The following ATP10D variants were observed in gnomAD, a reference collection of about 807,000 sequenced individuals.
ATP10D encodes phospholipid-transporting ATPase VD.
A neutral mutation model predicts 144.8 loss-of-function variants in ATP10D; 89 were observed. The observed-to-expected ratio is 0.61, with a 90% CI of 0.52 to 0.73. The LOEUF (loss-of-function observed/expected upper bound fraction) is 0.73, where lower values mean the gene tolerates loss of function less well. Among genes scored for constraint, ATP10D ranks in the 30% least tolerant of loss-of-function variants. The pLI, the probability that ATP10D is intolerant of heterozygous loss-of-function variation, is 0.00. For missense variants in ATP10D, 1,603 were observed against 1,714.8 expected, an observed-to-expected ratio of 0.93 and a Z score of 1.15; for synonymous variants, 571 against 615.1, an observed-to-expected ratio of 0.93 and a Z score of 1.06.
rs993286670 is a variant in ATP10D at position 47,542,115 on chromosome 4, A to C, written c.1397-4509A>C. Among the ~76,000 whole-genome samples the C allele has an allele frequency of 2.1e-4, 31 of 150,764 alleles. 1 individual carries two copies. Among genetic ancestry groups the C allele is most frequent in the African/African-American group, 6.9e-4 (28 of 40,526 alleles). On this transcript the variant is annotated intron_variant, in intron 9 of 22. Transcript: ENST00000273859. ...TGTTTCTCATACAATATATTTTTTTAACACAGGGTCTCACTCTGTTACCCA... is the reference window on the plus strand; with the variant it reads ...TGTTTCTCATACAATATATTTTTTTCACACAGGGTCTCACTCTGTTACCCA...
Position 47,592,248 on chromosome 4 carries a change from T to C in ATP10D, c.*867T>C, listed in dbSNP as rs1560463525. On this transcript the variant is annotated 3_prime_UTR_variant, in exon 23 of 23. Transcript: ENST00000273859. Reference sequence around the variant, plus strand: ...TATTTTAAAACTGACAGTAGCCTGATCAAAGTGATACAATCAATTTCAAAA... The same window carrying C: ...TATTTTAAAACTGACAGTAGCCTGACCAAAGTGATACAATCAATTTCAAAA... The C allele has an allele frequency of 6.6e-6, 1 of 152,530 alleles. No individual in the cohort carries two copies. The highest frequency in any genetic ancestry group is 1.5e-5 in the Non-Finnish European group (1 of 68,010). The allele number at this position is 152,530 out of a possible 1,614,324, so 9.4% of individuals were successfully genotyped here. A position where few individuals can be genotyped will look rare whatever the true frequency, so the allele number is the denominator to read the frequency against.
chr4:47,564,451 T>C (rs1229073239), intron 15 of ATP10D, among the ~76,000 whole-genome samples: 2 of 152,064 alleles, frequency 1.3e-5, no homozygotes, highest in Non-Finnish European at 2.9e-5. Context: ...CCTTTTAAGA[T>C]AAGAAAAAGT....
rs774382459 is a variant in ATP10D, at chr4:47,558,128, A to G, written c.2289A>G (p.Thr763=). The G allele has an allele frequency of 6.2e-7, 1 of 1,614,158 alleles. No individual in the cohort carries two copies. The highest frequency in any genetic ancestry group is 8.5e-7 in the Non-Finnish European group (1 of 1,180,028). ...ACTTTGCTGCTTTGGGACCATTAACATTTCAACTCCTACACATCCTGCCCT... is the reference window on the plus strand; with the variant it reads ...ACTTTGCTGCTTTGGGACCATTAACGTTTCAACTCCTACACATCCTGCCCT... ...MVDFAALGPL[T]FQLLHILPFD... Residue 763 remains threonine (T), a synonymous_variant, in exon 12 of 23, where the codon ACA becomes ACG. Coordinates refer to ENST00000273859, the MANE Select transcript of ATP10D (RefSeq NM_020453.4).
intron 15 of ATP10D, among the ~76,000 whole-genome samples, chr4:47,566,816 A>C (rs939586394): frequency 6.6e-6 from 1 of 152,208 alleles, no homozygotes; most frequent in African/African-American, 2.4e-5. Flanking sequence ...AATGTACCTT[A>C]TTTAATATGC....
chr4:47,576,540 A>G (rs573141645), intron 18 of ATP10D, among the ~76,000 whole-genome samples: 5 of 152,228 alleles, frequency 3.3e-5, no homozygotes, highest in Admixed American at 6.5e-5. Context: ...CACTTAGAAC[A>G]ATGCTAGCAC....
chr4:47,564,080 C>CG (rs1438136657), intron 15 of ATP10D, among the ~76,000 whole-genome samples: 1 of 152,036 alleles, frequency 6.6e-6, no homozygotes, highest in Non-Finnish European at 1.5e-5. Context: ...TTAGTAGAGA[C>CG]GGGGTTTCAC....
intron 10 of ATP10D, among the ~76,000 whole-genome samples, chr4:47,549,369 G>A (rs777512321): frequency 2.0e-5 from 3 of 152,066 alleles, no homozygotes; most frequent in Non-Finnish European, 4.4e-5. Context: ...CAATATAAAG[G>A]CATCTTATTT....
At chr4:47,557,567 T>C (rs540915446) in intron 11 of ATP10D, 97 bp from the exon 12 acceptor site, 1 of 1,268,182 alleles carries the variant, frequency 7.9e-7, no homozygotes, top group South Asian at 2.1e-5. Context: ...AAGTGAGTGG[T>C]AACTCTTTTT....
intron 21 of ATP10D, among the ~76,000 whole-genome samples, chr4:47,585,958 G>A (rs1417456374): frequency 6.6e-6 from 1 of 152,194 alleles, no homozygotes; most frequent in Non-Finnish European, 1.5e-5. Context: ...AGCAAGCATA[G>A]GAGTGCAGAT....
Position 47,536,459 on chromosome 4 carries a change from G to A in ATP10D, c.1038G>A (p.Arg346=). 6.2e-7 allele frequency: 1 copy of A among 1,613,534 alleles called. No homozygotes were observed. Residue 346 remains arginine, a synonymous_variant, in exon 8 of 23, where the codon AGG becomes AGA. Transcript: ENST00000273859. ...AAGGTCATGGAATCTGGCTGAGCAGGTATGAAAAGATGCATTTTTTCAATG... is the reference window on the plus strand; with the variant it reads ...AAGGTCATGGAATCTGGCTGAGCAGATATGAAAAGATGCATTTTTTCAATG... ...GAVGHGIWLS[R]YEKMHFFNVP...
chr4:47,561,145 T>C (rs550265672), intron 14 of ATP10D, 70 bp downstream of exon 14: 24 of 1,574,270 alleles, frequency 1.5e-5, no homozygotes, highest in Admixed American at 6.7e-5. Flanking sequence ...TGAATAAGGG[T>C]TATTTTCTTC....
chr4:47,497,771 T>G (rs1401879087), intron 1 of ATP10D, among the ~76,000 whole-genome samples: 2 of 152,240 alleles, frequency 1.3e-5, no homozygotes, highest in Non-Finnish European at 2.9e-5. Flanking sequence ...GCAGGATTAT[T>G]GTATGTGAAT....
chr4:47,546,720 C>T lies in ATP10D; in HGVS notation c.1493C>T (p.Ala498Val). 6.2e-7 allele frequency: 1 copy of T among 1,614,042 alleles called. No homozygotes were observed. Among genetic ancestry groups the T allele is most frequent in the Non-Finnish European group, 8.5e-7 (1 of 1,179,972 alleles). The change falls in exon 10 of 23, where the codon GCC becomes GTC. Residue 498 changes from alanine (A) to valine (V), a missense_variant. Coordinates refer to ENST00000273859, the MANE Select transcript of ATP10D (RefSeq NM_020453.4). ...CTCAGCAATATGGCAAAACCGAGAG[C>T]CCCCAGCTGCAGGACAGTTCATAAT... is the stretch of plus-strand genomic sequence containing the variant. Reference protein sequence around the residue: ...GSLSNMAKPRAPSCRTVHNGP... With the variant: ...GSLSNMAKPRVPSCRTVHNGP...
At chr4:47,542,379 A>G (rs6846205) in intron 9 of ATP10D, among the ~76,000 whole-genome samples, 112,008 of 151,296 alleles carry the variant, frequency 0.74, 41,620 homozygotes, top group East Asian at 0.88. Flanking sequence ...CTACAGGTGT[A>G]AGCCACCACA....
At chr4:47,589,626 C>G (rs186384201) in intron 22 of ATP10D, among the ~76,000 whole-genome samples, 1 of 152,188 alleles carries the variant, frequency 6.6e-6, no homozygotes, top group African/African-American at 2.4e-5. Flanking sequence ...GTGTTTCTTT[C>G]TTTCCAATAC....
chr4:47,550,745 A>G (rs34442412), intron 10 of ATP10D, among the ~76,000 whole-genome samples: 37,860 of 152,110 alleles, frequency 0.25, 4,706 homozygotes, highest in Admixed American at 0.31. Context: ...GCACTTAGCC[A>G]TGCAGGAACA....
intron 18 of ATP10D, among the ~76,000 whole-genome samples, chr4:47,576,153 G>A (rs888485703): frequency 2.0e-5 from 3 of 151,456 alleles, no homozygotes; most frequent in East Asian, 3.9e-4. Context: ...GGATGGTCTC[G>A]ATCTCCTGAC....
chr4:47,527,931 T>C (rs1158717491), intron 5 of ATP10D, among the ~76,000 whole-genome samples: 1 of 152,144 alleles, frequency 6.6e-6, no homozygotes, highest in Non-Finnish European at 1.5e-5. Context: ...TTCTATGACC[T>C]GTATACAATG....
chr4:47,577,428 G>GT (rs1283937768), intron 19 of ATP10D, among the ~76,000 whole-genome samples: 1 of 152,188 alleles, frequency 6.6e-6, no homozygotes, highest in East Asian at 1.9e-4. Flanking sequence ...AATAGGTTAT[G>GT]TTTACTCTGA....
Sources: gnomAD v4.1 joint callset for allele counts (sites outside exome capture counted in the v4.1 genomes callset) on GRCh38, gnomAD v4.1.1 for gene constraint, MANE v1.5 for transcripts, NCBI Gene and HGNC (gene_info 2026-07-23, HGNC 2026-07-21) for gene names.